NPR3: variants seen among roughly 807,000 people sequenced by gnomAD.
NPR3 encodes natriuretic peptide receptor 3, also known as atrial natriuretic peptide receptor 3.
NPR3 carries 34 observed loss-of-function variants against 54.5 expected under a neutral mutation model. The ratio of observed to expected loss-of-function variants is 0.62; its 90% CI spans 0.47 to 0.83. NPR3 has a LOEUF of 0.83. Among genes scored for constraint, NPR3 ranks in the 40% least tolerant of loss-of-function variants. NPR3 has a pLI of 0.00. For missense variants in NPR3, 674 were observed against 720.8 expected, an observed-to-expected ratio of 0.94 and a Z score of 0.74; for synonymous variants, 289 against 297.1, an observed-to-expected ratio of 0.97 and a Z score of 0.28.
chr5:32,697,966 T>C (rs1310573059), intron 1 of NPR3, among the ~76,000 whole-genome samples: 1 of 152,060 alleles, frequency 6.6e-6, no homozygotes, highest in Non-Finnish European at 1.5e-5. Flanking sequence ...TTGTATTGTT[T>C]TCTTTGTTTC....
chr5:32,713,560 C>T, intron 1 of NPR3: 1 of 796,252 alleles, frequency 1.3e-6, no homozygotes, highest in Non-Finnish European at 1.5e-6. Context: ...TTGGCGCTCA[C>T]GCGCCTGGAA....
In NPR3 at chr5:32,712,440, G is replaced by C. The variant is rs1359211314; in HGVS notation, c.664G>C (p.Glu222Gln). 13 of 1,611,808 alleles carry C rather than the reference G, an allele frequency of 8.1e-6. No individual in the cohort carries two copies. Among genetic ancestry groups the C allele is most frequent in the African/African-American group, 2.7e-5 (2 of 74,932 alleles). The part of the protein sequence containing the change: ...NCYFTLEGVH[E>Q]VFQEEGLHTS... ...CTACTTCACCCTCGAGGGGGTCCAC[G>C]AGGTCTTCCAGGAGGAGGGTTTGCA... is the stretch of plus-strand genomic sequence containing the variant. Residue 222 changes from glutamate to glutamine, a missense_variant, in exon 1 of 8, where the codon GAG becomes CAG. Coordinates refer to ENST00000265074, the MANE Select transcript of NPR3 (RefSeq NM_001204375.2).
upstream of NPR3, among the ~76,000 whole-genome samples, chr5:32,705,171 C>T (rs1737952961): frequency 6.6e-6 from 1 of 152,100 alleles, no homozygotes; most frequent in Admixed American, 6.5e-5. Context: ...GTAATTGATG[C>T]TTTAAAAAAA....
At position 32,711,645 on chromosome 5, in the gene NPR3, T is replaced by G; in HGVS notation, c.-132T>G. 1.6e-6 allele frequency: 2 copies of G among 1,273,330 alleles called. No homozygotes were observed. 78.9% of individuals were successfully genotyped at this position (1,273,330 alleles called of 1,614,324 possible). ...TCTTTTGGCGCATTAGTGAAGGGGG[T>G]ATTCTATTTTGTTAAAGCGCCCAAG... is the stretch of plus-strand genomic sequence containing the variant. On this transcript the variant is annotated 5_prime_UTR_variant, in exon 1 of 8. Coordinates refer to ENST00000265074, the MANE Select transcript of NPR3 (RefSeq NM_001204375.2).
At chr5:32,712,781 G>A (rs1169084074) in intron 1 of NPR3, among the ~76,000 whole-genome samples, 1 of 152,234 alleles carries the variant, frequency 6.6e-6, no homozygotes, top group African/African-American at 2.4e-5. Context: ...GGCGTCTGTA[G>A]CTCCTGCGTG....
intron 2 of NPR3, among the ~76,000 whole-genome samples, chr5:32,727,687 G>C (rs1441850767): frequency 1.3e-5 from 2 of 152,058 alleles, no homozygotes; most frequent in African/African-American, 4.8e-5. Context: ...ATTTTGGAAT[G>C]GTATTTATGT....
At chr5:32,742,700 T>A (rs1021570873) in intron 3 of NPR3, among the ~76,000 whole-genome samples, 1 of 152,140 alleles carries the variant, frequency 6.6e-6, no homozygotes, top group African/African-American at 2.4e-5. Context: ...TTAAGCATGA[T>A]GTTTGCTGTG....
intron 3 of NPR3, among the ~76,000 whole-genome samples, chr5:32,758,873 T>C (rs1740995579): frequency 2.0e-5 from 3 of 152,342 alleles, no homozygotes; most frequent in Admixed American, 1.3e-4. Flanking sequence ...CCAGTAGTCA[T>C]TCAGGAGCAG....
chr5:32,699,039 G>T (rs1024702905), intron 1 of NPR3, among the ~76,000 whole-genome samples: 1 of 152,066 alleles, frequency 6.6e-6, no homozygotes, highest in Non-Finnish European at 1.5e-5. Context: ...TTATTTTGTG[G>T]TTTTCTCTTC....
chr5:32,705,028 T>C (rs546096693), upstream of NPR3, among the ~76,000 whole-genome samples: 1 of 152,362 alleles, frequency 6.6e-6, no homozygotes, highest in East Asian at 1.9e-4. Flanking sequence ...TTTAACAAAC[T>C]TATACTAACT....
Position 32,700,221 on chromosome 5 carries a change from G to C in NPR3, c.100+11035G>C, listed in dbSNP as rs1210128096. On this transcript the variant is annotated intron_variant, in intron 1 of 5. Coordinates refer to the NPR3 transcript ENST00000509104. ...GGTGTTCTATAACTTTCTTGTACTT[G>C]AATATTGATATCTTTTTCTAGGTTT... Among the ~76,000 whole-genome samples the C allele has an allele frequency of 2.6e-5, 4 of 152,062 alleles. 1 individual carries two copies. In the East Asian group the frequency reaches 5.8e-4, roughly 22 times the overall value.
At chr5:32,702,586 T>C (rs1737852295) in intron 1 of NPR3, among the ~76,000 whole-genome samples, 3 of 152,122 alleles carry the variant, frequency 2.0e-5, no homozygotes, top group Admixed American at 1.3e-4. Context: ...ACAAAGGACA[T>C]GAACTCATCA....
chr5:32,754,754 T>G (rs376144098), intron 3 of NPR3, among the ~76,000 whole-genome samples: 2 of 152,356 alleles, frequency 1.3e-5, no homozygotes, highest in African/African-American at 4.8e-5. Context: ...GGCCTGAATT[T>G]GAAGACCTTT....
At chr5:32,763,833 T>G (rs1271088096) in intron 3 of NPR3, among the ~76,000 whole-genome samples, 1 of 152,218 alleles carries the variant, frequency 6.6e-6, no homozygotes, top group Non-Finnish European at 1.5e-5. Flanking sequence ...ATTCAGAGTA[T>G]TTATTTGAAG....
In NPR3 at chr5:32,780,796, G is replaced by A; in HGVS notation, c.1270G>A (p.Val424Met). The A allele has an allele frequency of 1.3e-6, 2 of 1,580,324 alleles. No homozygotes were observed. The highest frequency in any genetic ancestry group is 1.1e-5 in the South Asian group (1 of 90,396). Residue 424 changes from valine (V) to methionine (M), a missense_variant, in exon 5 of 8, where the codon GTG (valine) becomes ATG (methionine). Transcript: ENST00000265074. ...GDFSVIAMTDVEAGTQEVIGD... is the reference protein window; with the variant it reads ...GDFSVIAMTDMEAGTQEVIGD... ...TTTCTCTGTGATTGCCATGACTGAT[G>A]TGGAGGCGGGCACCCAGGAGGTGAG... is the stretch of plus-strand genomic sequence containing the variant.
intron 1 of NPR3, among the ~76,000 whole-genome samples, chr5:32,693,908 C>A (rs1740461251): frequency 6.6e-6 from 1 of 152,222 alleles, no homozygotes; most frequent in Non-Finnish European, 1.5e-5. Flanking sequence ...CCTCTCTGTG[C>A]CTTCATACAA....
chr5:32,782,017 C>G (rs1007381092), intron 5 of NPR3, among the ~76,000 whole-genome samples: 1 of 152,112 alleles, frequency 6.6e-6, no homozygotes, highest in African/African-American at 2.4e-5. Flanking sequence ...TGGGAAGGCA[C>G]TTCTAGACTG....
intron 2 of NPR3, among the ~76,000 whole-genome samples, chr5:32,734,458 G>T (rs757991229): frequency 2.0e-5 from 3 of 152,166 alleles, no homozygotes; most frequent in Non-Finnish European, 4.4e-5. Context: ...CTTCACCACA[G>T]GATCGCTGGG....
intron 1 of NPR3, among the ~76,000 whole-genome samples, chr5:32,702,983 G>A (rs1350696023): frequency 1.3e-5 from 2 of 152,090 alleles, no homozygotes; most frequent in Non-Finnish European, 2.9e-5. Flanking sequence ...ATCTCATTGT[G>A]GTTTTGATTT....
Sources: allele counts gnomAD v4.1 joint callset (sites outside exome capture counted in the v4.1 genomes callset), GRCh38; gene constraint gnomAD v4.1.1; transcripts MANE v1.5; gene names NCBI Gene and HGNC (gene_info 2026-07-23, HGNC 2026-07-21).